The following IPO4 variants were observed in gnomAD, a reference collection of about 807,000 sequenced individuals.
IPO4 encodes the protein importin-4.
In IPO4, 91 loss-of-function variants were observed where a neutral mutation model predicts 133.5. That is an observed-to-expected ratio of 0.68 (90% confidence interval 0.58 to 0.81). IPO4 has a LOEUF of 0.81. Among genes scored for constraint, IPO4 ranks in the 30% least tolerant of loss-of-function variants. The pLI, the probability that IPO4 is intolerant of heterozygous loss-of-function variation, is 0.00. For missense variants in IPO4, 1,279 were observed against 1,386.2 expected, an observed-to-expected ratio of 0.92 and a Z score of 1.23; for synonymous variants, 607 against 581.6, an observed-to-expected ratio of 1.04 and a Z score of -0.63.
Position 24,185,901 on chromosome 14 carries a change from C to T in IPO4, c.1129G>A (p.Ala377Thr). Residue 377 changes from alanine (A) to threonine (T), a missense_variant, in exon 12 of 30, where the codon GCC becomes ACC. By Grantham distance (58) the Ala-to-Thr change is moderately conservative (BLOSUM62 0). Coordinates refer to ENST00000354464, the MANE Select transcript of IPO4 (RefSeq NM_024658.4). ...TCGCCAGCTCCGTCAGACAGCACGG[C>T]CAGCACCAGGAGTCCAGCTTTGCGC... Reference protein sequence around the residue: ...YQRKAGLLVLAVLSDGAGDHI... With the variant: ...YQRKAGLLVLTVLSDGAGDHI... 6.2e-7 allele frequency: 1 copy of T among 1,614,026 alleles called. No individual in the cohort carries two copies. Among genetic ancestry groups the T allele is most frequent in the Non-Finnish European group, 8.5e-7 (1 of 1,180,024 alleles).
Position 24,183,003 on chromosome 14 carries a change from G to T in IPO4, c.2394C>A (p.Gly798=), listed in dbSNP as rs769343351. ...KPPGRLAELC[G]VLKAVLQRKT... ...TCCTCTGCAGCACAGCCTTGAGCAC[G>T]CCACAGAGCTCAGCGAGGCGCCCAG... Residue 798 remains glycine (G), a synonymous_variant, in exon 23 of 30, where the codon GGC becomes GGA. Coordinates refer to ENST00000354464, the MANE Select transcript of IPO4 (RefSeq NM_024658.4). The T allele has an allele frequency of 1.9e-6, 3 of 1,613,430 alleles. No individual in the cohort carries two copies. Among genetic ancestry groups the T allele is most frequent in the Middle Eastern group, 1.6e-4 (1 of 6,084 alleles).
At chr14:24,186,672 G>A in intron 9 of IPO4, 36 bp downstream of exon 9, 5 of 1,561,764 alleles carry the variant, frequency 3.2e-6, no homozygotes, top group African/African-American at 1.4e-5. Flanking sequence ...GTGGAGATGG[G>A]GGTGGGGTGA....
intron 12 of IPO4, 112 bp from the exon 13 acceptor site, chr14:24,185,679 G>A: frequency 1.8e-6 from 2 of 1,085,540 alleles, no homozygotes; most frequent in African/African-American, 3.1e-5. Context: ...TGTCACCAGA[G>A]GGTGGGCAGC....
At position 24,185,323 on chromosome 14, in the gene IPO4, G is replaced by A; in HGVS notation, c.1279-11C>T. On this transcript the variant is annotated splice_polypyrimidine_tract_variant and intron_variant, in intron 13 of 29. Coordinates refer to ENST00000354464, the MANE Select transcript of IPO4 (RefSeq NM_024658.4). ...GCTGCTGATATGGGGCTGGGGGAGG[G>A]AGCAAGCAGGGCCTGAGTCAGGTTC... 1 of 1,614,050 alleles carries A rather than the reference G, an allele frequency of 6.2e-7. No homozygotes were observed. The highest frequency in any genetic ancestry group is 8.5e-7 in the Non-Finnish European group (1 of 1,179,940).
At chr14:24,182,247 T>G (rs1437994722) in intron 25 of IPO4, 31 bp downstream of exon 25, 2 of 1,614,102 alleles carry the variant, frequency 1.2e-6, no homozygotes, top group Non-Finnish European at 1.7e-6. Context: ...ACGAGGGGAC[T>G]AGGGCTTGAA....
chr14:24,188,384 T>C lies in IPO4; in HGVS notation c.196A>G (p.Asn66Asp), dbSNP rs773675676. The C allele has an allele frequency of 6.2e-7, 1 of 1,613,124 alleles. No individual in the cohort carries two copies. The highest frequency in any genetic ancestry group is 1.3e-5 in the African/African-American group (1 of 75,052). Residue 66 changes from asparagine (N) to aspartate (D), a missense_variant, in exon 3 of 30, where the codon AAC becomes GAC. Asn to Asp is a conservative substitution (Grantham distance 23, BLOSUM62 1). Coordinates refer to ENST00000354464, the MANE Select transcript of IPO4 (RefSeq NM_024658.4). ...FAAVLTRRRLNTRWRRLAAEQ... is the reference protein window; with the variant it reads ...FAAVLTRRRLDTRWRRLAAEQ... ...GCCGCCAGCCGTCGCCAGCGGGTGT[T>C]CAGTCGTCTGCGGGTCAGCACGGCC... is the stretch of plus-strand genomic sequence containing the variant.
Position 24,183,301 on chromosome 14 carries a change from A to C in IPO4, c.2176T>G (p.Cys726Gly). Residue 726 changes from cysteine to glycine, a missense_variant, in exon 22 of 30, where the codon TGT becomes GGT. Physicochemically the swap from Cys to Gly is radical, Grantham distance 159 (BLOSUM62 -3). This residue lies in a region of IPO4 where 575 missense variants were observed against 653.4 expected (regional missense o/e 0.88). Transcript: ENST00000354464. ...CTTTGACAGGCCTTGTGCAGTGCAC[A>C]GCAAAACTGACCCAGAGCCTCATGG... ...AAHEALGQFC[C>G]ALHKACQSCP... 2 of 1,613,592 alleles carry C rather than the reference A, an allele frequency of 1.2e-6. No individual in the cohort carries two copies. Among genetic ancestry groups the C allele is most frequent in the Non-Finnish European group, 1.7e-6 (2 of 1,179,794 alleles).
At chr14:24,186,497 G>A (rs369355982) in intron 9 of IPO4, 46 bp from the exon 10 acceptor site, 52 of 1,524,432 alleles carry the variant, frequency 3.4e-5, no homozygotes, top group Non-Finnish European at 4.3e-5. Flanking sequence ...CTGCTCCCAG[G>A]ATGGGCTCAC....
chr14:24,187,880 C>T, intron 4 of IPO4, 84 bp from the exon 5 acceptor site: 1 of 1,542,782 alleles, frequency 6.5e-7, no homozygotes, highest in Non-Finnish European at 8.8e-7. Context: ...GCAGCCAGGA[C>T]AGAAACTTTC....
chr14:24,187,521 T>TG lies in IPO4; in HGVS notation c.466dup (p.His156ProfsTer11). On this transcript the variant is annotated frameshift_variant, in exon 6 of 30. Coordinates refer to ENST00000354464, the MANE Select transcript of IPO4 (RefSeq NM_024658.4). LOFTEE classifies it high-confidence loss of function. Reference sequence around the variant, plus strand: ...CAGAAGCCGAAGAAGCTCCCGGTGGTGGGGTTGGAAGGCCTCGGGCCGGGA... The same window carrying TG: ...CAGAAGCCGAAGAAGCTCCCGGTGGTGGGGGTTGGAAGGCCTCGGGCCGGGA... The TG allele has an allele frequency of 6.2e-7, 1 of 1,613,932 alleles. No individual in the cohort carries two copies. Among genetic ancestry groups the TG allele is most frequent in the Non-Finnish European group, 8.5e-7 (1 of 1,180,002 alleles).
At position 24,188,542 on chromosome 14, in the gene IPO4, G is replaced by A. The variant is rs994427117; in HGVS notation, c.156+10C>T. ...GTGGGAAGCTCGGAGGGGAGAGTCA[G>A]GGGTCTCACCTGGGGGTCGGCCGCC... On this transcript the variant is annotated intron_variant, in intron 2 of 29. Coordinates refer to ENST00000354464, the MANE Select transcript of IPO4 (RefSeq NM_024658.4). 4 of 1,611,218 alleles carry A rather than the reference G, an allele frequency of 2.5e-6. No homozygotes were observed. The African/African-American group carries it at 4.0e-5, about 16-fold the overall frequency.
intron 13 of IPO4, 41 bp downstream of exon 13, chr14:24,185,418 G>A (rs1394951024): frequency 3.8e-6 from 6 of 1,576,380 alleles, no homozygotes; most frequent in Admixed American, 3.3e-5. Context: ...TGAGGGGAAG[G>A]GGACATTCAA....
intron 24 of IPO4, 44 bp from the exon 25 acceptor site, chr14:24,182,447 T>G (rs1315299924): frequency 3.8e-6 from 6 of 1,588,836 alleles, no homozygotes; most frequent in Non-Finnish European, 4.3e-6. Flanking sequence ...GCCAGCTCAG[T>G]GACTGTACAC....
chr14:24,185,387 G>T, intron 13 of IPO4, 72 bp downstream of exon 13: 1 of 1,610,980 alleles, frequency 6.2e-7, no homozygotes, highest in Non-Finnish European at 8.5e-7. Flanking sequence ...TGGCAGCAGG[G>T]ATGCTTGAAG....
intron 24 of IPO4, 107 bp downstream of exon 24, chr14:24,182,685 T>A (rs2039159442): frequency 7.8e-7 from 1 of 1,283,640 alleles, no homozygotes; most frequent in Admixed American, 1.7e-5. Flanking sequence ...ACCAGTCTCT[T>A]TTAGTGGCCC....
rs763771581 is a variant in IPO4 at position 24,184,407 on chromosome 14, C to A, written c.1648G>T (p.Val550Leu). 2 of 1,609,478 alleles carry A rather than the reference C, an allele frequency of 1.2e-6. No homozygotes were observed. The highest frequency in any genetic ancestry group is 1.7e-6 in the Non-Finnish European group (2 of 1,178,244). The change falls in exon 17 of 30, where the codon GTG (valine) becomes TTG (leucine). Residue 550 changes from valine to leucine, a missense_variant. Val to Leu is a conservative substitution (Grantham distance 32). Coordinates refer to ENST00000354464, the MANE Select transcript of IPO4 (RefSeq NM_024658.4). ...GGCTCCCCCACTGCTCGTGCCAGCA[C>A]CCCCAGTGTCTCTGTGGGGGCAAGG... ...VQIQSLETLG[V>L]LARAVGEPMR...
Position 24,183,324 on chromosome 14 carries a change from T to A in IPO4, c.2153A>T (p.His718Leu). 6.2e-7 allele frequency: 1 copy of A among 1,612,612 alleles called. No homozygotes were observed. Among genetic ancestry groups the A allele is most frequent in the Non-Finnish European group, 8.5e-7 (1 of 1,179,298 alleles). The change falls in exon 22 of 30, where the codon CAT (histidine) becomes CTT (leucine). Residue 718 changes from histidine (H) to leucine (L), a missense_variant. By Grantham distance (99) the His-to-Leu change is moderately conservative (BLOSUM62 -3). Transcript: ENST00000354464. ...CPHLNVRKAA[H>L]EALGQFCCAL... is the part of the protein sequence containing the mutation. ...ACAGCAAAACTGACCCAGAGCCTCA[T>A]GGGCTGCCTTCCGCACATTCAGGTG...
rs750189652 is a variant in IPO4 at position 24,182,120 on chromosome 14, G to A, written c.2642C>T (p.Thr881Ile). The A allele has an allele frequency of 8.1e-6, 13 of 1,613,904 alleles. No homozygotes were observed. The Admixed American group carries it at 2.0e-4, about 25-fold the overall frequency. ...TVAEKSFAVG[T>I]LAETIQGLGA... ...CAGGCCCTGAATAGTCTCTGCCAAG[G>A]TCCCCACTGCAAAGGACTTCTCTGC... Residue 881 changes from threonine to isoleucine, a missense_variant, in exon 26 of 30, where the codon ACC becomes ATC. By Grantham distance (89) the Thr-to-Ile change is moderately conservative (BLOSUM62 -1). Around this residue, in one of 3 missense-constraint regions of IPO4, gnomAD observed 575 missense variants for 653.4 expected, o/e 0.88. Coordinates refer to ENST00000354464, the MANE Select transcript of IPO4 (RefSeq NM_024658.4).
rs767433512 is a variant in IPO4 at position 24,184,405 on chromosome 14, CA to C, written c.1649del (p.Val550GlyfsTer10). 6.2e-7 allele frequency: 1 copy of C among 1,609,942 alleles called. No individual in the cohort carries two copies. Among genetic ancestry groups the C allele is most frequent in the South Asian group, 1.1e-5 (1 of 90,236 alleles). On this transcript the variant is annotated frameshift_variant, in exon 17 of 30. Transcript: ENST00000354464. LOFTEE classifies it high-confidence loss of function. The stretch of plus-strand genomic sequence containing the variant: ...TGGGCTCCCCCACTGCTCGTGCCAG[CA>C]CCCCCAGTGTCTCTGTGGGGGCAAG... The part of the protein sequence containing the change: ...VQIQSLETLG[V>X]LARAVGEPMR...
Sources: gnomAD v4.1 joint callset for allele counts on GRCh38, gnomAD v4.1.1 for gene constraint, gnomAD v4.1.1 regional missense constraint, MANE v1.5 for transcripts, NCBI Gene and HGNC (gene_info 2026-07-23, HGNC 2026-07-21) for gene names.